Variants in MMP2 observed in about 807,000 individuals in gnomAD.
The protein encoded by MMP2 is matrix metallopeptidase 2, also known as 72 kDa type IV collagenase.
In MMP2, 39 loss-of-function variants were observed where a neutral mutation model predicts 74.8. That is an observed-to-expected ratio of 0.52 (90% CI 0.40 to 0.68). MMP2 has a LOEUF of 0.68. Ranked by LOEUF, MMP2 falls within the 30% of genes least tolerant of loss-of-function variation. MMP2 has a pLI of 0.00. For synonymous variants in MMP2, 367 were observed against 339.8 expected, an observed-to-expected ratio of 1.08 and a Z score of -0.88; for missense variants, 803 against 878.3, an observed-to-expected ratio of 0.91 and a Z score of 1.08.
Position 55,484,042 on chromosome 16 carries a change from A to G in MMP2, c.407A>G (p.Asp136Gly). Residue 136 changes from aspartate (D) to glycine (G), a missense_variant, in exon 3 of 13, where the codon GAC (aspartate) becomes GGC (glycine). Coordinates refer to ENST00000219070, the MANE Select transcript of MMP2 (RefSeq NM_004530.6). ...ATCATTGGCTACACACCTGATCTGG[A>G]CCCAGAGACAGTGGATGATGCCTTT... The part of the protein sequence containing the change: ...YRIIGYTPDL[D>G]PETVDDAFAR... The G allele has an allele frequency of 6.2e-7, 1 of 1,614,140 alleles. No individual in the cohort carries two copies.
intron 1 of MMP2, among the ~76,000 whole-genome samples, 185 bp from the exon 2 acceptor site, chr16:55,482,724 C>T (rs1370318698): frequency 6.6e-6 from 1 of 152,208 alleles, no homozygotes; most frequent in Non-Finnish European, 1.5e-5. Flanking sequence ...TGTCCTGTCG[C>T]TCAACTAATG....
rs570036488 is a variant in MMP2, at chr16:55,484,609, G to C, written c.529+445G>C. On this transcript the variant is annotated intron_variant, in intron 3 of 12. Transcript: ENST00000219070. ...ATTCCTCTTAATCACAGAAAGCTCTGTTGGATGATGCTGGTAGACACTGAG... is the reference window on the plus strand; with the variant it reads ...ATTCCTCTTAATCACAGAAAGCTCTCTTGGATGATGCTGGTAGACACTGAG... Among the ~76,000 whole-genome samples the C allele has an allele frequency of 2.0e-5, 3 of 152,342 alleles. No individual in the cohort carries two copies. In the East Asian group the frequency reaches 5.8e-4, roughly 29 times the overall value.
chr16:55,497,026 G>A lies in MMP2; in HGVS notation c.1573G>A (p.Glu525Lys), dbSNP rs766384293. Residue 525 changes from glutamate (E) to lysine (K), a missense_variant, in exon 10 of 13, where the codon GAG becomes AAG. By Grantham distance (56) the Glu-to-Lys change is moderately conservative. Coordinates refer to ENST00000219070, the MANE Select transcript of MMP2 (RefSeq NM_004530.6). ...CCCGGAAAAGATTGATGCGGTATAC[G>A]AGGCCCCACAGGAGGAGAAGGCTGT... ...ELPEKIDAVY[E>K]APQEEKAVFF... is the part of the protein sequence containing the mutation. 3 of 1,614,018 alleles carry A rather than the reference G, an allele frequency of 1.9e-6. No individual in the cohort carries two copies. The highest frequency in any genetic ancestry group is 1.3e-5 in the African/African-American group (1 of 74,922).
intron 3 of MMP2, 83 bp from the exon 4 acceptor site, chr16:55,485,216 A>G: frequency 1.3e-6 from 2 of 1,587,722 alleles, no homozygotes; most frequent in African/African-American, 1.3e-5. Flanking sequence ...GTGGGCTGAC[A>G]GGCTCCACAT....
chr16:55,481,956 C>A (rs1962116644), intron 1 of MMP2: 1 of 641,140 alleles, frequency 1.6e-6, no homozygotes, highest in Non-Finnish European at 2.9e-6. Flanking sequence ...CCTTTCCTAA[C>A]TACTTCCAAC....
Position 55,479,733 on chromosome 16 carries a change from G to T in MMP2, c.153+101G>T, listed in dbSNP as rs17859838. The T allele has an allele frequency of 1.9e-3, 2,797 of 1,489,998 alleles. 47 individuals carry two copies. The African/African-American group carries it at 0.032, about 17-fold the overall frequency. 92.3% of individuals were successfully genotyped at this position (1,489,998 alleles called of 1,614,324 possible). On this transcript the variant is annotated intron_variant, in intron 1 of 12. Transcript: ENST00000219070. ...CTGCCCTCGGCGGTGGGCACACAGC[G>T]TGGGGGAGGGGCTTCGGTAAACAGC...
In MMP2 at chr16:55,489,188, A is replaced by G. The variant is rs141821648; in HGVS notation, c.1007-463A>G. ...CCTCCTTTCCTTCTTCCCTTCCTCC[A>G]ACAGGAATTTACTGAGCGCCTGCTT... is the stretch of plus-strand genomic sequence containing the variant. On this transcript the variant is annotated intron_variant, in intron 6 of 12. Transcript: ENST00000219070. Among the ~76,000 whole-genome samples, 43 of 152,090 alleles carry G rather than the reference A, an allele frequency of 2.8e-4. No individual in the cohort carries two copies. The East Asian group carries it at 5.8e-3, about 21-fold the overall frequency.
intron 8 of MMP2, 79 bp downstream of exon 8, chr16:55,492,035 TG>T (rs1962422440): frequency 7.1e-7 from 1 of 1,408,150 alleles, no homozygotes; most frequent in African/African-American, 1.4e-5. Context: ...GCCCAGGGGG[TG>T]GGACCAGCAA....
chr16:55,504,899 G>A (rs1205825457), intron 12 of MMP2, among the ~76,000 whole-genome samples: 2 of 151,892 alleles, frequency 1.3e-5, no homozygotes, highest in East Asian at 1.9e-4. Flanking sequence ...TGATCTGCCC[G>A]TCTCGGCCTC....
rs17860010 is a variant in MMP2, at chr16:55,503,122, T to A, written c.1879+234T>A. On this transcript the variant is annotated intron_variant, in intron 12 of 12. Coordinates refer to ENST00000219070, the MANE Select transcript of MMP2 (RefSeq NM_004530.6). ...AAAGACTTCTCACAGCTGCAGGGCCTGGAGCCAGGGCAGGGGAGGGCGGAA... is the reference window on the plus strand; with the variant it reads ...AAAGACTTCTCACAGCTGCAGGGCCAGGAGCCAGGGCAGGGGAGGGCGGAA... Among the ~76,000 whole-genome samples the A allele has an allele frequency of 1.0e-3, 156 of 152,290 alleles. 7 individuals are homozygous for A. The South Asian group carries it at 0.031, about 31-fold the overall frequency.
In MMP2 at chr16:55,481,764, C is replaced by A; in HGVS notation, c.154-1145C>A. ...ATCAAAGAGTGCATGAACCAACCAG[C>A]TGGCCTAGTGATGATGTTAGGCAAG... On this transcript the variant is annotated intron_variant, in intron 1 of 12. Coordinates refer to ENST00000219070, the MANE Select transcript of MMP2 (RefSeq NM_004530.6). 17 of 706,364 alleles carry A rather than the reference C, an allele frequency of 2.4e-5. No homozygotes were observed. The South Asian group carries it at 2.6e-4, about 11-fold the overall frequency. The allele number at this position is 706,364 out of a possible 1,614,324, so 43.8% of individuals were successfully genotyped here.
chr16:55,488,781 A>G lies in MMP2; in HGVS notation c.1006+65A>G, dbSNP rs544269660. ...CTGCTGTCTGACAAAAAAAAAACCC[A>G]TAAGACTCCGAGTGCCCACCTCCTT... On this transcript the variant is annotated intron_variant, in intron 6 of 12. Coordinates refer to ENST00000219070, the MANE Select transcript of MMP2 (RefSeq NM_004530.6). The G allele has an allele frequency of 3.6e-4, 545 of 1,509,726 alleles. 2 individuals are homozygous for G. The South Asian group carries it at 4.4e-3, about 12-fold the overall frequency. The allele number at this position is 1,509,726 out of a possible 1,614,324, so 93.5% of individuals were successfully genotyped here. A position where few individuals can be genotyped will look rare whatever the true frequency, so the allele number is the denominator to read the frequency against.
intron 7 of MMP2, 130 bp from the exon 8 acceptor site, chr16:55,491,671 A>G (rs1369943205): frequency 9.3e-7 from 1 of 1,077,398 alleles, no homozygotes; most frequent in East Asian, 2.4e-5. Context: ...AAATCAATAC[A>G]TGCCGCTTCC....
At chr16:55,500,917 C>A (rs1596828512) in intron 11 of MMP2, among the ~76,000 whole-genome samples, 2 of 152,336 alleles carry the variant, frequency 1.3e-5, no homozygotes, top group South Asian at 4.1e-4. Flanking sequence ...TAGAAGCTTT[C>A]ACTAAGCCAC....
At chr16:55,498,166 G>A (rs1839109408) in intron 10 of MMP2, 123 bp from the exon 11 acceptor site, 3 of 1,261,136 alleles carry the variant, frequency 2.4e-6, no homozygotes, top group African/African-American at 1.5e-5. Flanking sequence ...CCAGGAGTGA[G>A]CAGGAAGTTG....
chr16:55,486,350 T>TGTGCGTGC (rs1567375082), intron 5 of MMP2, among the ~76,000 whole-genome samples: 1 of 55,090 alleles, frequency 1.8e-5, no homozygotes, highest in African/African-American at 6.1e-5. Flanking sequence ...TGTGTGCCTG[T>TGTGCGTGC]GTGTGTGTGT....
At chr16:55,501,808 A>G (rs1962674298) in intron 11 of MMP2, among the ~76,000 whole-genome samples, 1 of 152,156 alleles carries the variant, frequency 6.6e-6, no homozygotes. Context: ...GGCTGCTACC[A>G]GGATGGGATG....
rs781428467 is a variant in MMP2 at position 55,479,491 on chromosome 16, A to G, written c.12A>G (p.Leu4=). 7 of 1,581,600 alleles carry G rather than the reference A, an allele frequency of 4.4e-6. No homozygotes were observed. The Admixed American group carries it at 9.0e-5, about 20-fold the overall frequency. ...CAGGGAGCGCTACGATGGAGGCGCT[A>G]ATGGCCCGGGGCGCGCTCACGGGTC... MEA[L]MARGALTGPL... is the part of the protein sequence containing the mutation. The change falls in exon 1 of 13, where the codon CTA becomes CTG. Residue 4 remains leucine (L), a synonymous_variant. Transcript: ENST00000219070.
At chr16:55,499,812 G>A (rs1022931468) in intron 11 of MMP2, among the ~76,000 whole-genome samples, 4 of 152,166 alleles carry the variant, frequency 2.6e-5, no homozygotes, top group Non-Finnish European at 5.9e-5. Flanking sequence ...TGATTAGTGA[G>A]GAAAGAGTGG....
Sources: gnomAD v4.1 joint callset for allele counts (sites outside exome capture counted in the v4.1 genomes callset) on GRCh38, gnomAD v4.1.1 for gene constraint, MANE v1.5 for transcripts, NCBI Gene and HGNC (gene_info 2026-07-23, HGNC 2026-07-21) for gene names.